PDE4D: variants seen among roughly 807,000 people sequenced by gnomAD.
PDE4D encodes phosphodiesterase 4D, also known as 3',5'-cyclic-AMP phosphodiesterase 4D.
PDE4D carries 24 observed loss-of-function variants against 87.4 expected under a neutral mutation model. The observed-to-expected ratio is 0.27, with a 90% CI of 0.20 to 0.39. The LOEUF is 0.39. PDE4D is among the 10% of genes least tolerant of loss of function. The probability of loss-of-function intolerance (pLI) is 1.00; values close to 1 mark genes in which losing one functional copy is unlikely to be tolerated. For synonymous variants in PDE4D, 384 were observed against 383.2 expected, an observed-to-expected ratio of 1.00 and a Z score of -0.02; for missense variants, 714 against 1,041.0, an observed-to-expected ratio of 0.69 and a Z score of 4.32.
intron 1 of PDE4D, among the ~76,000 whole-genome samples, chr5:59,673,428 A>C (rs1287870254): frequency 6.6e-6 from 1 of 152,218 alleles, no homozygotes; most frequent in Non-Finnish European, 1.5e-5. Flanking sequence ...TGTCCTCAGT[A>C]ATGATTATTT....
chr5:58,973,937 A>AT lies in PDE4D; in HGVS notation c.*726dup, dbSNP rs1237314815. On this transcript the variant is annotated 3_prime_UTR_variant, in exon 15 of 15. Coordinates refer to ENST00000340635, the MANE Select transcript of PDE4D (RefSeq NM_001104631.2). ...GGTGCAAGTAAAATTCATAAATTAG[A>AT]TTTTTATCCAGTGTAGCACAGATTT... 6.6e-6 allele frequency: 1 copy of AT among 152,648 alleles called. No homozygotes were observed. The highest frequency in any genetic ancestry group is 2.4e-5 in the African/African-American group (1 of 41,456). 9.5% of individuals were successfully genotyped at this position (152,648 alleles called of 1,614,324 possible).
intron 1 of PDE4D, among the ~76,000 whole-genome samples, chr5:59,667,403 C>T (rs1284352220): frequency 6.6e-6 from 1 of 152,110 alleles, no homozygotes; most frequent in Non-Finnish European, 1.5e-5. Context: ...CCTTGACCTC[C>T]TGGGCTCAAT....
At chr5:59,755,855 G>GAA (rs912269702) in intron 1 of PDE4D, among the ~76,000 whole-genome samples, 1 of 141,054 alleles carries the variant, frequency 7.1e-6, no homozygotes, top group Non-Finnish European at 1.5e-5. Context: ...AGCCATGTAT[G>GAA]AAAAAAAAAA....
At chr5:59,316,455 TG>T (rs1056325092) in intron 1 of PDE4D, among the ~76,000 whole-genome samples, 19 of 152,012 alleles carry the variant, frequency 1.2e-4, no homozygotes, top group Non-Finnish European at 1.5e-5. Context: ...GGGGTTGAGA[TG>T]GGGAAAATGA....
chr5:59,217,442 T>A (rs153965), intron 1 of PDE4D: 51,987 of 353,128 alleles, frequency 0.15, 4,144 homozygotes, highest in African/African-American at 0.22. Flanking sequence ...GGATCACTTT[T>A]GAATCTGTGA....
At chr5:60,128,584 G>A (rs895834346) in intron 2 of PDE4D, among the ~76,000 whole-genome samples, 17 of 152,248 alleles carry the variant, frequency 1.1e-4, no homozygotes, top group South Asian at 2.1e-4. Flanking sequence ...GGGTGACCAG[G>A]TGGAAGGCAG....
chr5:59,566,534 A>ATGTGTGTG (rs34584672), intron 1 of PDE4D, among the ~76,000 whole-genome samples: 2 of 140,808 alleles, frequency 1.4e-5, no homozygotes, highest in African/African-American at 5.4e-5. Context: ...TCACAGTTTC[A>ATGTGTGTG]TGTGTGTGTG....
At chr5:60,235,295 A>T (rs1746299683) in intron 1 of PDE4D, among the ~76,000 whole-genome samples, 1 of 151,860 alleles carries the variant, frequency 6.6e-6, no homozygotes, top group Admixed American at 6.6e-5. Flanking sequence ...CCCAAGAAGC[A>T]TCATATAGTG....
chr5:59,969,073 T>A (rs973350757), intron 3 of PDE4D, among the ~76,000 whole-genome samples: 12 of 151,748 alleles, frequency 7.9e-5, no homozygotes, highest in Admixed American at 2.0e-4. Flanking sequence ...CAGAACCTAT[T>A]TGTAAACTAT....
intron 1 of PDE4D, among the ~76,000 whole-genome samples, chr5:59,737,403 G>C (rs1299589861): frequency 2.6e-5 from 4 of 151,878 alleles, no homozygotes; most frequent in African/African-American, 9.7e-5. Context: ...TGAAATTTTT[G>C]CCTAGAAATC....
chr5:59,894,238 C>A (rs1751395515), upstream of PDE4D, among the ~76,000 whole-genome samples: 1 of 152,208 alleles, frequency 6.6e-6, no homozygotes, highest in South Asian at 2.1e-4. Context: ...TTCCTCTTCA[C>A]CTCCGCTTGC....
chr5:59,231,204 G>C (rs1345260694), intron 1 of PDE4D, among the ~76,000 whole-genome samples: 1 of 152,200 alleles, frequency 6.6e-6, no homozygotes, highest in Non-Finnish European at 1.5e-5. Flanking sequence ...CCTTGAAATG[G>C]AATCTGGCTG....
chr5:59,280,819 T>A (rs1164900692), intron 1 of PDE4D, among the ~76,000 whole-genome samples: 1 of 151,978 alleles, frequency 6.6e-6, no homozygotes, highest in African/African-American at 2.4e-5. Flanking sequence ...AGTGGGGATT[T>A]TTTTTGCCTC....
intron 1 of PDE4D, among the ~76,000 whole-genome samples, chr5:59,544,299 C>T (rs1414898705): frequency 6.6e-6 from 1 of 152,176 alleles, no homozygotes; most frequent in Non-Finnish European, 1.5e-5. Flanking sequence ...TCCAAGACTG[C>T]CACAGGCCAT....
intron 2 of PDE4D, among the ~76,000 whole-genome samples, chr5:60,150,696 A>G (rs1173982232): frequency 6.6e-6 from 1 of 152,192 alleles, no homozygotes; most frequent in Admixed American, 6.5e-5. Context: ...CAGAAAATAG[A>G]TATGACAAGG....
chr5:59,571,421 G>A (rs907932555), intron 1 of PDE4D, among the ~76,000 whole-genome samples: 1 of 152,154 alleles, frequency 6.6e-6, no homozygotes, highest in Non-Finnish European at 1.5e-5. Context: ...GAGAAAGCAC[G>A]CAACCCAAAT....
intron 1 of PDE4D, among the ~76,000 whole-genome samples, chr5:60,256,911 A>G (rs573217246): frequency 4.3e-4 from 66 of 152,066 alleles, no homozygotes; most frequent in Non-Finnish European, 7.7e-4. Flanking sequence ...AATTTCACAT[A>G]CGTATATCTA....
At chr5:59,328,852 A>T (rs935976204) in intron 1 of PDE4D, among the ~76,000 whole-genome samples, 3 of 152,232 alleles carry the variant, frequency 2.0e-5, no homozygotes, top group Non-Finnish European at 2.9e-5. Flanking sequence ...ACTTGAGAAA[A>T]AAGGTGGGCT....
intron 1 of PDE4D, among the ~76,000 whole-genome samples, chr5:60,285,534 T>TA (rs1043808634): frequency 1.3e-5 from 2 of 151,046 alleles, no homozygotes; most frequent in African/African-American, 4.9e-5. Context: ...CAGATATAAA[T>TA]AAAAAATTAC....
Sources: allele counts gnomAD v4.1 joint callset (sites outside exome capture counted in the v4.1 genomes callset), GRCh38; gene constraint gnomAD v4.1.1; transcripts MANE v1.5; gene names NCBI Gene and HGNC (gene_info 2026-07-23, HGNC 2026-07-21).